The following TMEM108 variants were observed in gnomAD, a reference collection of about 807,000 sequenced individuals.
TMEM108 encodes cancer/testis antigen 124.
Under a neutral mutation model 35.1 loss-of-function variants are expected in TMEM108, and 12 were observed. The observed-to-expected ratio is 0.34, with a 90% CI of 0.22 to 0.55. TMEM108 has a LOEUF of 0.55. Ranked by LOEUF, TMEM108 falls within the 20% of genes least tolerant of loss-of-function variation. The probability of loss-of-function intolerance (pLI) is 0.89; values close to 1 mark genes in which losing one functional copy is unlikely to be tolerated. For missense variants in TMEM108, 680 were observed against 753.3 expected (o/e 0.90, Z 1.14); for synonymous variants, 287 against 308.6 (o/e 0.93, Z 0.73).
At chr3:133,216,092 T>C (rs1395132849) in intron 2 of TMEM108, among the ~76,000 whole-genome samples, 2 of 152,110 alleles carry the variant, frequency 1.3e-5, no homozygotes, top group African/African-American at 2.4e-5. Context: ...ATTTCCTGGC[T>C]GTTCCTCCTT....
At chr3:133,304,151 A>G (rs548349594) in intron 3 of TMEM108, among the ~76,000 whole-genome samples, 8 of 152,328 alleles carry the variant, frequency 5.3e-5, no homozygotes, top group Admixed American at 3.9e-4. Flanking sequence ...TACCTAGTAC[A>G]TAAAAGGAGT....
chr3:133,223,469 G>T (rs182763789), intron 2 of TMEM108, among the ~76,000 whole-genome samples: 1,892 of 152,230 alleles, frequency 0.012, 15 homozygotes, highest in South Asian at 0.024. Context: ...AGGGTGGGTT[G>T]TTTTTCCTTT....
At chr3:133,268,501 C>T (rs745652864) in intron 3 of TMEM108, among the ~76,000 whole-genome samples, 1 of 152,002 alleles carries the variant, frequency 6.6e-6, no homozygotes, top group African/African-American at 2.4e-5. Context: ...GAGAGGAGAC[C>T]GACTCTGAAG....
chr3:133,063,212 G>C (rs1352628412), intron 2 of TMEM108, among the ~76,000 whole-genome samples: 1 of 152,102 alleles, frequency 6.6e-6, no homozygotes, highest in African/African-American at 2.4e-5. Context: ...CCAGGGTATT[G>C]GAATGATCAT....
At chr3:133,102,688 A>G (rs1188844371) in intron 2 of TMEM108, among the ~76,000 whole-genome samples, 6 of 152,236 alleles carry the variant, frequency 3.9e-5, no homozygotes, top group African/African-American at 9.6e-5. Flanking sequence ...AGCTGAAAAT[A>G]TACGTATCAC....
At chr3:133,069,659 A>G (rs1284301323) in intron 2 of TMEM108, among the ~76,000 whole-genome samples, 1 of 152,168 alleles carries the variant, frequency 6.6e-6, no homozygotes, top group Non-Finnish European at 1.5e-5. Flanking sequence ...AATTAGTGGC[A>G]TCATGTGATA....
At chr3:133,270,973 C>A (rs1946763389) in intron 3 of TMEM108, among the ~76,000 whole-genome samples, 1 of 152,120 alleles carries the variant, frequency 6.6e-6, no homozygotes, top group Admixed American at 6.5e-5. Flanking sequence ...AGTTCCAAAG[C>A]CCCCAAGCCA....
At chr3:133,088,095 T>C (rs188116901) in intron 2 of TMEM108, among the ~76,000 whole-genome samples, 27 of 152,330 alleles carry the variant, frequency 1.8e-4, no homozygotes, top group African/African-American at 5.3e-4. Context: ...TAGCCTGTTA[T>C]AGGCCTTTGG....
At chr3:133,390,929 C>T (rs141469404) in intron 5 of TMEM108, among the ~76,000 whole-genome samples, 2 of 152,274 alleles carry the variant, frequency 1.3e-5, no homozygotes, top group African/African-American at 4.8e-5. Flanking sequence ...CATATTTGCC[C>T]AAGACACCTG....
At chr3:133,192,116 A>C (rs1369913450) in intron 2 of TMEM108, among the ~76,000 whole-genome samples, 1 of 152,194 alleles carries the variant, frequency 6.6e-6, no homozygotes, top group Non-Finnish European at 1.5e-5. Flanking sequence ...CAGCTTGAAG[A>C]ACCAGTGTTT....
intron 2 of TMEM108, among the ~76,000 whole-genome samples, chr3:133,208,172 C>T (rs1469061629): frequency 6.6e-6 from 1 of 152,112 alleles, no homozygotes; most frequent in Admixed American, 6.5e-5. Flanking sequence ...ATTACTGGGC[C>T]CCACCCTTAG....
chr3:133,371,700 C>T (rs140220709), intron 3 of TMEM108, among the ~76,000 whole-genome samples: 48 of 147,932 alleles, frequency 3.2e-4, no homozygotes, highest in African/African-American at 1.1e-3. Flanking sequence ...GCCAAAGTCA[C>T]ATTTAGGAAG....
At chr3:133,065,063 C>CA (rs1943579203) in intron 2 of TMEM108, among the ~76,000 whole-genome samples, 1 of 152,182 alleles carries the variant, frequency 6.6e-6, no homozygotes, top group African/African-American at 2.4e-5. Context: ...TTATGTCTTA[C>CA]ATGGTGAAGT....
intron 2 of TMEM108, among the ~76,000 whole-genome samples, chr3:133,228,822 G>C (rs911714026): frequency 6.6e-6 from 1 of 152,026 alleles, no homozygotes; most frequent in African/African-American, 2.4e-5. Context: ...GAAAATAATA[G>C]AAAAGTTATT....
At chr3:133,256,480 A>G (rs1210745270) in intron 3 of TMEM108, among the ~76,000 whole-genome samples, 3 of 152,244 alleles carry the variant, frequency 2.0e-5, no homozygotes, top group East Asian at 1.9e-4. Flanking sequence ...TGTGGGGTTA[A>G]TGAAAAACAA....
At chr3:133,137,304 T>A (rs1443667485) in intron 2 of TMEM108, among the ~76,000 whole-genome samples, 1 of 152,202 alleles carries the variant, frequency 6.6e-6, no homozygotes, top group Non-Finnish European at 1.5e-5. Flanking sequence ...TCAAACCCAG[T>A]GTAATTGTTG....
chr3:133,384,274 C>G (rs914209380), intron 4 of TMEM108, among the ~76,000 whole-genome samples: 2 of 123,948 alleles, frequency 1.6e-5, no homozygotes, highest in African/African-American at 6.1e-5. Context: ...TTCCTCTCAT[C>G]TGGCATTTCA....
rs1553764021 is a variant in TMEM108 at position 133,342,544 on chromosome 3, G to GTATATATATATATATATATATA, written c.41-37196_41-37195insTATATATATATATATATATATA. On this transcript the variant is annotated intron_variant, in intron 3 of 5. Coordinates refer to ENST00000321871, the MANE Select transcript of TMEM108 (RefSeq NM_023943.4). Reference sequence around the variant, plus strand: ...TAAAAAAGTTAAAAAAGAAAATGTGGTATATATATATACACACACACACAC... The same window carrying GTATATATATATATATATATATA: ...TAAAAAAGTTAAAAAAGAAAATGTGGTATATATATATATATATATATATATATATATATACACACACACACAC... Among the ~76,000 whole-genome samples the GTATATATATATATATATATATA allele has an allele frequency of 1.7e-3, 80 of 46,642 alleles. 8 individuals carry two copies. Among genetic ancestry groups the GTATATATATATATATATATATA allele is most frequent in the African/African-American group, 6.6e-3 (72 of 10,930 alleles). The allele number at this position is 46,642 out of a possible 152,430, so 30.6% of individuals were successfully genotyped here.
rs149021738 is a variant in TMEM108, at chr3:133,279,160, A to G, written c.40+49809A>G. ...ATGTTAAAACACCCTGTGTCAAAGT[A>G]AGCACTTGCACTTAGACACAACTTC... is the stretch of plus-strand genomic sequence containing the variant. On this transcript the variant is annotated intron_variant, in intron 3 of 5. Transcript: ENST00000321871. Among the ~76,000 whole-genome samples, 17 of 152,328 alleles carry G rather than the reference A, an allele frequency of 1.1e-4. No homozygotes were observed. The East Asian group carries it at 3.3e-3, about 29-fold the overall frequency.
Sources: allele counts gnomAD v4.1 joint callset (sites outside exome capture counted in the v4.1 genomes callset), GRCh38; gene constraint gnomAD v4.1.1; transcripts MANE v1.5; gene names NCBI Gene and HGNC (gene_info 2026-07-23, HGNC 2026-07-21).